The following PIAS4 variants were observed in gnomAD, a reference collection of about 807,000 sequenced individuals.
PIAS4 encodes E3 SUMO-protein ligase PIAS4.
PIAS4 carries 7 observed loss-of-function variants against 58.0 expected under a neutral mutation model. The ratio of observed to expected loss-of-function variants is 0.12; its 90% confidence interval spans 0.07 to 0.23. PIAS4 has a LOEUF of 0.23. Among genes scored for constraint, PIAS4 ranks in the 10% least tolerant of loss-of-function variants. The pLI, the probability that PIAS4 is intolerant of heterozygous loss-of-function variation, is 1.00. For missense variants in PIAS4, 550 were observed against 709.5 expected (o/e 0.78, Z 2.55); for synonymous variants, 364 against 312.4 (o/e 1.17, Z -1.74).
intron 3 of PIAS4, among the ~76,000 whole-genome samples, chr19:4,025,894 A>G (rs964368137): frequency 6.6e-6 from 1 of 151,810 alleles, no homozygotes; most frequent in African/African-American, 2.4e-5. Context: ...TAACACAGTG[A>G]AACCCCGTCT....
At position 4,033,597 on chromosome 19, in the gene PIAS4, G is replaced by A. The variant is rs761055344; in HGVS notation, c.1142+17G>A. On this transcript the variant is annotated intron_variant, in intron 9 of 10. Coordinates refer to ENST00000262971, the MANE Select transcript of PIAS4 (RefSeq NM_015897.4). ...CATCGACGGGTGAGCCCGGGGCCCC[G>A]GGGAGGGCGGCCGGAGCCGGACATC... 3.3e-5 allele frequency: 52 copies of A among 1,582,764 alleles called. No homozygotes were observed. The Admixed American group carries it at 4.8e-4, about 14-fold the overall frequency.
intron 2 of PIAS4, among the ~76,000 whole-genome samples, chr19:4,014,046 G>A (rs1447138568): frequency 6.6e-6 from 1 of 151,946 alleles, no homozygotes; most frequent in Non-Finnish European, 1.5e-5. Flanking sequence ...AAAGGGGGCT[G>A]GCCAGTGGCA....
At chr19:4,030,967 C>A (rs1032106327) in intron 7 of PIAS4, among the ~76,000 whole-genome samples, 1 of 152,150 alleles carries the variant, frequency 6.6e-6, no homozygotes, top group Non-Finnish European at 1.5e-5. Context: ...GACGAGAGGG[C>A]GGTTCTGGGC....
At chr19:4,015,237 A>G (rs748642864) in intron 2 of PIAS4, among the ~76,000 whole-genome samples, 24 of 152,286 alleles carry the variant, frequency 1.6e-4, no homozygotes, top group African/African-American at 5.8e-4. Context: ...GACCTGCATC[A>G]CAGGGAGGCT....
intron 7 of PIAS4, among the ~76,000 whole-genome samples, chr19:4,029,456 G>T (rs2040201450): frequency 6.6e-6 from 1 of 152,202 alleles, no homozygotes; most frequent in Non-Finnish European, 1.5e-5. Context: ...GGTCACGGAC[G>T]GCCAGGGTCG....
intron 1 of PIAS4, among the ~76,000 whole-genome samples, chr19:4,011,543 T>G (rs141849778): frequency 7.0e-4 from 106 of 152,364 alleles, no homozygotes; most frequent in African/African-American, 2.5e-3. Context: ...CAAGCCTCAT[T>G]TGTCGCTTTG....
chr19:4,035,467 C>A (rs2040264901), intron 9 of PIAS4, among the ~76,000 whole-genome samples: 1 of 152,136 alleles, frequency 6.6e-6, no homozygotes, highest in South Asian at 2.1e-4. Flanking sequence ...AACTCGTTCC[C>A]TTCCCGAGCC....
intron 2 of PIAS4, among the ~76,000 whole-genome samples, chr19:4,016,755 G>C (rs2040056787): frequency 6.6e-6 from 1 of 152,212 alleles, no homozygotes; most frequent in Admixed American, 6.5e-5. Flanking sequence ...AGTGAGGGCA[G>C]AGGCCGATGG....
At chr19:4,023,931 C>T in intron 2 of PIAS4, 105 bp from the exon 3 acceptor site, 1 of 800,960 alleles carries the variant, frequency 1.2e-6, no homozygotes, top group Non-Finnish European at 2.2e-6. Context: ...GCCAACTTCC[C>T]ATTTCCTGTT....
chr19:4,033,035 G>A (rs1031671476), intron 7 of PIAS4, 65 bp from the exon 8 acceptor site: 25 of 1,330,156 alleles, frequency 1.9e-5, no homozygotes, highest in African/African-American at 1.0e-4. Flanking sequence ...GAGAGAACTC[G>A]AATCACAGCC....
intron 1 of PIAS4, among the ~76,000 whole-genome samples, chr19:4,008,834 G>T (rs1194749453): frequency 6.6e-6 from 1 of 151,852 alleles, no homozygotes; most frequent in Non-Finnish European, 1.5e-5. Context: ...GGTTTCTAAG[G>T]TCCCCTCTCT....
At chr19:4,012,472 G>A (rs893854799) in intron 1 of PIAS4, among the ~76,000 whole-genome samples, 1 of 152,106 alleles carries the variant, frequency 6.6e-6, no homozygotes, top group Non-Finnish European at 1.5e-5. Flanking sequence ...ACATATCTGT[G>A]GCTGACATGG....
At position 4,026,073 on chromosome 19, in the gene PIAS4, C is replaced by CAAA. The variant is rs34554020; in HGVS notation, c.539+1971_539+1973dup. 1.8e-4 allele frequency among the ~76,000 whole-genome samples: 14 copies of CAAA among 76,792 alleles called. 1 individual carries two copies. The highest frequency in any genetic ancestry group is 7.8e-4 in the African/African-American group (13 of 16,564). The allele number at this position is 76,792 out of a possible 152,430, so 50.4% of individuals were successfully genotyped here. A position where few individuals can be genotyped will look rare whatever the true frequency, so the allele number is the denominator to read the frequency against. On this transcript the variant is annotated intron_variant, in intron 3 of 10. Transcript: ENST00000262971. ...TGGGCAACAAAGGGAGACTCCGTCTCAAAAAAAAAAAAAAAAAAAAGTTTG... is the reference window on the plus strand; with the variant it reads ...TGGGCAACAAAGGGAGACTCCGTCTCAAAAAAAAAAAAAAAAAAAAAAAGTTTG...
chr19:4,007,858 T>A (rs2039957896), intron 1 of PIAS4, 71 bp downstream of exon 1: 3 of 1,122,980 alleles, frequency 2.7e-6, no homozygotes, highest in Non-Finnish European at 3.3e-6. Context: ...CAGGTCGAGG[T>A]CTGCGCCTTC....
rs922500583 is a variant in PIAS4 at position 4,033,403 on chromosome 19, C to G, written c.982-17C>G. On this transcript the variant is annotated splice_polypyrimidine_tract_variant and intron_variant, in intron 8 of 10. Coordinates refer to ENST00000262971, the MANE Select transcript of PIAS4 (RefSeq NM_015897.4). Reference sequence around the variant, plus strand: ...CAACAGGAGGGGTGCCCTGCTCACGCAGCCCCTCCCCCACAGCTGGTGAAG... The same window carrying G: ...CAACAGGAGGGGTGCCCTGCTCACGGAGCCCCTCCCCCACAGCTGGTGAAG... 4 of 1,544,930 alleles carry G rather than the reference C, an allele frequency of 2.6e-6. No homozygotes were observed. Among genetic ancestry groups the G allele is most frequent in the South Asian group, 2.4e-5 (2 of 84,262 alleles).
At chr19:4,032,381 T>G (rs575635698) in intron 7 of PIAS4, among the ~76,000 whole-genome samples, 12 of 152,176 alleles carry the variant, frequency 7.9e-5, no homozygotes, top group Admixed American at 3.9e-4. Flanking sequence ...CTGGGGTCTC[T>G]CCTGAGCTAC....
intron 9 of PIAS4, among the ~76,000 whole-genome samples, chr19:4,035,982 A>AGTCCACACCGT: frequency 2.6e-3 from 2 of 764 alleles, no homozygotes; most frequent in South Asian, 0.02. Context: ...ACCGTCATAC[A>AGTCCACACCGT]CACACACACA....
chr19:4,025,053 TGCGCCTG>T (rs1238392063), intron 3 of PIAS4, among the ~76,000 whole-genome samples: 19 of 152,240 alleles, frequency 1.2e-4, no homozygotes, highest in Non-Finnish European at 2.4e-4. Flanking sequence ...CGTGAGCCAC[TGCGCCTG>T]GCGGAAGTCA....
chr19:4,028,156 C>T lies in PIAS4; in HGVS notation c.550C>T (p.Pro184Ser), dbSNP rs771151053. The T allele has an allele frequency of 1.9e-6, 3 of 1,613,376 alleles. No homozygotes were observed. The highest frequency in any genetic ancestry group is 1.3e-5 in the African/African-American group (1 of 74,880). Residue 184 changes from proline to serine, a missense_variant, in exon 4 of 11, where the codon CCC becomes TCC. Coordinates refer to ENST00000262971, the MANE Select transcript of PIAS4 (RefSeq NM_015897.4). The stretch of plus-strand genomic sequence containing the variant: ...GCTCCACACCCACAGGGAACTGCAG[C>T]CCGGAGTTAAAGCCGTGCAGGTCGT... ...ELIRNSRELQPGVKAVQVVLR... is the reference protein window; with the variant it reads ...ELIRNSRELQSGVKAVQVVLR...
Sources: allele counts gnomAD v4.1 joint callset (sites outside exome capture counted in the v4.1 genomes callset), GRCh38; gene constraint gnomAD v4.1.1; transcripts MANE v1.5; gene names NCBI Gene and HGNC (gene_info 2026-07-23, HGNC 2026-07-21).